SMURF1: variants seen among roughly 807,000 people sequenced by gnomAD.
SMURF1 encodes the protein SMAD specific E3 ubiquitin protein ligase 1, also known as E3 ubiquitin-protein ligase SMURF1.
Under a neutral mutation model 98.0 loss-of-function variants are expected in SMURF1, and 44 were observed. The ratio of observed to expected loss-of-function variants is 0.45; its 90% CI spans 0.35 to 0.58. The LOEUF is 0.58. SMURF1 is among the 20% of genes least tolerant of loss of function. SMURF1 has a pLI of 0.00. For missense variants in SMURF1, 687 were observed against 938.4 expected (o/e 0.73, Z 3.50); for synonymous variants, 396 against 374.9 (o/e 1.06, Z -0.65).
chr7:99,082,128 G>A (rs1584157669), intron 1 of SMURF1, among the ~76,000 whole-genome samples: 1 of 152,168 alleles, frequency 6.6e-6, no homozygotes, highest in East Asian at 1.9e-4. Context: ...GTATTAAACT[G>A]AGTTATTTGT....
chr7:99,044,803 A>AAGAT (rs1236973514), intron 11 of SMURF1, among the ~76,000 whole-genome samples: 1 of 152,214 alleles, frequency 6.6e-6, no homozygotes, highest in African/African-American at 2.4e-5. Context: ...CGGAAATAAC[A>AAGAT]AGATACCTAT....
chr7:99,138,844 T>A (rs756572212), intron 1 of SMURF1, among the ~76,000 whole-genome samples: 3 of 152,244 alleles, frequency 2.0e-5, no homozygotes, highest in Non-Finnish European at 4.4e-5. Context: ...TCTTAAAGTA[T>A]AATTGCAATT....
At chr7:99,112,298 TACAC>T (rs1187222073) in intron 1 of SMURF1, among the ~76,000 whole-genome samples, 1 of 152,186 alleles carries the variant, frequency 6.6e-6, no homozygotes, top group East Asian at 1.9e-4. Flanking sequence ...CCTCACAACA[TACAC>T]ACAGCCCATC....
At chr7:99,138,943 T>C (rs1296413112) in intron 1 of SMURF1, among the ~76,000 whole-genome samples, 1 of 152,186 alleles carries the variant, frequency 6.6e-6, no homozygotes, top group Non-Finnish European at 1.5e-5. Context: ...CTTCCTAAAC[T>C]TGAGGCAGAC....
At chr7:99,094,240 A>C (rs952008782) in intron 1 of SMURF1, among the ~76,000 whole-genome samples, 6 of 152,228 alleles carry the variant, frequency 3.9e-5, no homozygotes, top group South Asian at 2.1e-4. Flanking sequence ...CTATATCACA[A>C]AGAGAATGTC....
chr7:99,033,696 C>T (rs1795008619), intron 16 of SMURF1, among the ~76,000 whole-genome samples: 1 of 152,222 alleles, frequency 6.6e-6, no homozygotes, highest in Admixed American at 6.5e-5. Flanking sequence ...TGGGCCTGCT[C>T]CAGACAGGCT....
chr7:99,129,544 C>T (rs562869751), intron 1 of SMURF1, among the ~76,000 whole-genome samples: 3 of 152,318 alleles, frequency 2.0e-5, no homozygotes, highest in African/African-American at 7.2e-5. Context: ...GTGTGCACCA[C>T]TATGCCCAGC....
chr7:99,045,665 A>C (rs779742899), intron 11 of SMURF1, 33 bp downstream of exon 11: 289 of 1,546,092 alleles, frequency 1.9e-4, no homozygotes, highest in Non-Finnish European at 2.5e-4. Flanking sequence ...TGAGATCCAC[A>C]CAGCAGAGAA....
At chr7:99,050,299 C>T (rs1795713762) in intron 8 of SMURF1, 1 of 152,634 alleles carries the variant, frequency 6.6e-6, no homozygotes, top group African/African-American at 2.4e-5. Context: ...AAAGAAGGCC[C>T]TAATAGTAGG....
At chr7:99,071,649 A>T (rs936978091) in intron 1 of SMURF1, among the ~76,000 whole-genome samples, 2 of 152,216 alleles carry the variant, frequency 1.3e-5, no homozygotes, top group Non-Finnish European at 2.9e-5. Context: ...TTTTTTCTTA[A>T]GTATTATAGG....
chr7:99,044,162 ATTAGCTGGACATGG>A (rs1387123116), intron 11 of SMURF1, among the ~76,000 whole-genome samples: 1 of 152,138 alleles, frequency 6.6e-6, no homozygotes, highest in Non-Finnish European at 1.5e-5. Context: ...AAATATAAAA[ATTAGCTGGACATGG>A]TGACTCGCAC....
At chr7:99,055,519 G>A (rs1006710791) in intron 5 of SMURF1, among the ~76,000 whole-genome samples, 3 of 151,666 alleles carry the variant, frequency 2.0e-5, no homozygotes, top group Non-Finnish European at 4.4e-5. Flanking sequence ...GTTTTTTTGG[G>A]GGGGATTAAG....
intron 1 of SMURF1, among the ~76,000 whole-genome samples, chr7:99,075,080 T>C (rs1326553138): frequency 6.6e-6 from 1 of 152,112 alleles, no homozygotes; most frequent in African/African-American, 2.4e-5. Flanking sequence ...GAAGTAGCAG[T>C]AGTAAGTAGT....
At chr7:99,059,445 AATAAAATAAAATAAAAT>A (rs1159707790) in intron 3 of SMURF1, among the ~76,000 whole-genome samples, 1 of 144,026 alleles carries the variant, frequency 6.9e-6, no homozygotes, top group Non-Finnish European at 1.5e-5. Flanking sequence ...AATAAAATAA[AATAAAATAAAATAAAAT>A]AAAATAGTGG....
intron 9 of SMURF1, 101 bp from the exon 10 acceptor site, chr7:99,047,983 A>G: frequency 9.2e-7 from 1 of 1,089,694 alleles, no homozygotes; most frequent in Non-Finnish European, 1.4e-6. Flanking sequence ...CTAGCTGCAC[A>G]CAACTTCAGG....
intron 1 of SMURF1, among the ~76,000 whole-genome samples, chr7:99,135,694 C>T (rs1797976170): frequency 6.6e-6 from 1 of 152,226 alleles, no homozygotes; most frequent in African/African-American, 2.4e-5. Context: ...TCAAACAATG[C>T]TGCAATGATT....
chr7:99,047,636 C>G, intron 10 of SMURF1, 48 bp downstream of exon 10: 1 of 1,589,996 alleles, frequency 6.3e-7, no homozygotes, highest in Non-Finnish European at 8.6e-7. Flanking sequence ...TCTGAATTGC[C>G]TTATTTGTTT....
At chr7:99,134,684 T>A (rs1429627966) in intron 1 of SMURF1, among the ~76,000 whole-genome samples, 2 of 152,188 alleles carry the variant, frequency 1.3e-5, no homozygotes, top group African/African-American at 2.4e-5. Context: ...AAATACTAAA[T>A]TATTATTACT....
intron 10 of SMURF1, among the ~76,000 whole-genome samples, chr7:99,046,604 C>T (rs908715812): frequency 3.3e-5 from 5 of 151,634 alleles, no homozygotes; most frequent in Admixed American, 6.6e-5. Context: ...TGGTGGCGGG[C>T]GCCTGTAATC....
Sources: gnomAD v4.1 joint callset for allele counts (sites outside exome capture counted in the v4.1 genomes callset) on GRCh38, gnomAD v4.1.1 for gene constraint, MANE v1.5 for transcripts, NCBI Gene and HGNC (gene_info 2026-07-23, HGNC 2026-07-21) for gene names.